The following CLNK variants were observed in gnomAD, a reference collection of about 807,000 sequenced individuals.
CLNK encodes the protein cytokine-dependent hematopoietic cell linker.
Under a neutral mutation model 68.6 loss-of-function variants are expected in CLNK, and 74 were observed. The ratio of observed to expected loss-of-function variants is 1.08; its 90% CI spans 0.89 to 1.31. The LOEUF (loss-of-function observed/expected upper bound fraction) is 1.31, where lower values mean the gene tolerates loss of function less well. CLNK is among the 50% of genes most tolerant of loss of function. The pLI is 0.00. For missense variants in CLNK, 553 were observed against 515.3 expected, an observed-to-expected ratio of 1.07 and a Z score of -0.71; for synonymous variants, 198 against 172.2, an observed-to-expected ratio of 1.15 and a Z score of -1.17.
intron 2 of CLNK, among the ~76,000 whole-genome samples, chr4:10,613,794 C>T (rs1722125857): frequency 6.6e-6 from 1 of 152,288 alleles, no homozygotes; most frequent in South Asian, 2.1e-4. Flanking sequence ...TGAATGTCTG[C>T]TCTTTTGGAA....
Position 10,566,225 on chromosome 4 carries a change from GAGAAATGGGGT to G in CLNK, c.151-86_151-76del, listed in dbSNP as rs1454982819. On this transcript the variant is annotated intron_variant, in intron 5 of 18. Coordinates refer to ENST00000226951, the MANE Select transcript of CLNK (RefSeq NM_052964.4). ...CAAAGACAGGCTACAGTGCTGGCTA[GAGAAATGGGGT>G]AGACCTTCTTAGCTGCAAGTTAAAT... 7.0e-6 allele frequency: 10 copies of G among 1,433,972 alleles called. No individual in the cohort carries two copies. The African/African-American group carries it at 1.4e-4, about 20-fold the overall frequency. 88.8% of individuals were successfully genotyped at this position (1,433,972 alleles called of 1,614,324 possible).
At chr4:10,734,410 C>G in the CLNK span, among the ~76,000 whole-genome samples, 1,546 of 152,316 alleles carry the variant, frequency 0.01, 32 homozygotes, top group African/African-American at 0.035. Context: ...CCAGCCGAAT[C>G]TTTCCCTCTT....
At chr4:10,676,900 GA>G (rs1482450284) in intron 1 of CLNK, among the ~76,000 whole-genome samples, 11 of 151,260 alleles carry the variant, frequency 7.3e-5, no homozygotes, top group African/African-American at 2.7e-4. Flanking sequence ...TGAGATTGTA[GA>G]AAAATAGTCT....
intron 2 of CLNK, among the ~76,000 whole-genome samples, chr4:10,628,570 G>T (rs1033231856): frequency 6.6e-6 from 1 of 152,160 alleles, no homozygotes; most frequent in Non-Finnish European, 1.5e-5. Context: ...AAGCTGGAGG[G>T]GCTGAGGGGC....
intron 1 of CLNK, among the ~76,000 whole-genome samples, chr4:10,668,704 A>G (rs577223876): frequency 1.3e-5 from 2 of 152,296 alleles, no homozygotes; most frequent in Non-Finnish European, 2.9e-5. Context: ...CCAGGTAGGC[A>G]CTGGGACACA....
chr4:10,584,017 A>G (rs1720882225), intron 4 of CLNK, among the ~76,000 whole-genome samples: 1 of 152,192 alleles, frequency 6.6e-6, no homozygotes, highest in South Asian at 2.1e-4. Flanking sequence ...TGCATTTGAT[A>G]CTAAAGACCC....
chr4:10,574,112 T>G (rs1720458840), intron 4 of CLNK, among the ~76,000 whole-genome samples: 1 of 152,220 alleles, frequency 6.6e-6, no homozygotes, highest in African/African-American at 2.4e-5. Flanking sequence ...GTGTCATCAG[T>G]GCAGAGTTTT....
At chr4:10,674,672 G>A (rs1244480742) in intron 1 of CLNK, among the ~76,000 whole-genome samples, 1 of 152,180 alleles carries the variant, frequency 6.6e-6, no homozygotes, top group African/African-American at 2.4e-5. Context: ...TTCACATCCT[G>A]AGTGGAGAGA....
At chr4:10,660,403 T>C (rs189879424) in intron 2 of CLNK, among the ~76,000 whole-genome samples, 1 of 152,348 alleles carries the variant, frequency 6.6e-6, no homozygotes, top group African/African-American at 2.4e-5. Flanking sequence ...ATAGTTTTAT[T>C]GGAAAGCCTA....
At chr4:10,727,724 C>T in the CLNK span, among the ~76,000 whole-genome samples, 1 of 152,190 alleles carries the variant, frequency 6.6e-6, no homozygotes, top group Non-Finnish European at 1.5e-5. Context: ...CCAAGCTGTC[C>T]AACACTAGAG....
intron 1 of CLNK, among the ~76,000 whole-genome samples, chr4:10,672,334 G>T (rs1336365932): frequency 6.6e-6 from 1 of 152,106 alleles, no homozygotes; most frequent in African/African-American, 2.4e-5. Context: ...AGGTGAGTTT[G>T]TTTCTCACAG....
At chr4:10,507,132 G>T (rs1277636872) in intron 17 of CLNK, among the ~76,000 whole-genome samples, 1 of 150,650 alleles carries the variant, frequency 6.6e-6, no homozygotes. Context: ...TTGTTTTTGA[G>T]ACGAAGTCTT....
chr4:10,646,823 C>T (rs1022706899), intron 2 of CLNK, among the ~76,000 whole-genome samples: 3 of 152,162 alleles, frequency 2.0e-5, no homozygotes, highest in Non-Finnish European at 4.4e-5. Flanking sequence ...CAACTTTATG[C>T]ACATGTTCCT....
At chr4:10,598,513 A>T (rs768173071) in intron 2 of CLNK, among the ~76,000 whole-genome samples, 1 of 152,242 alleles carries the variant, frequency 6.6e-6, no homozygotes, top group Non-Finnish European at 1.5e-5. Context: ...GTTGAATTTC[A>T]TAAAAATCTA....
intron 8 of CLNK, among the ~76,000 whole-genome samples, chr4:10,552,403 A>G (rs6814528): frequency 0.97 from 147,356 of 152,256 alleles, 71,490 homozygotes; most frequent in East Asian, 1. Context: ...CACTATTGCC[A>G]AGGTTATAAG....
the CLNK span, among the ~76,000 whole-genome samples, chr4:10,719,904 C>A: frequency 6.6e-6 from 1 of 151,904 alleles, no homozygotes; most frequent in East Asian, 1.9e-4. Context: ...AACAAAGATA[C>A]CAGAAAAATC....
chr4:10,654,227 CA>C (rs1193112781), intron 2 of CLNK, among the ~76,000 whole-genome samples: 2 of 151,420 alleles, frequency 1.3e-5, no homozygotes, highest in African/African-American at 2.4e-5. Flanking sequence ...ATGTCATGAC[CA>C]AGTTGAATTT....
At chr4:10,696,748 C>T in the CLNK span, among the ~76,000 whole-genome samples, 4 of 152,036 alleles carry the variant, frequency 2.6e-5, no homozygotes, top group African/African-American at 9.7e-5. Context: ...TCCAGCCTCC[C>T]TAGGATTGCC....
At chr4:10,556,825 C>G (rs1231919522) in intron 8 of CLNK, among the ~76,000 whole-genome samples, 1 of 152,126 alleles carries the variant, frequency 6.6e-6, no homozygotes, top group African/African-American at 2.4e-5. Context: ...AGCTGTTAAT[C>G]TCAGCACTTT....
Sources: allele counts gnomAD v4.1 joint callset (sites outside exome capture counted in the v4.1 genomes callset), GRCh38; gene constraint gnomAD v4.1.1; transcripts MANE v1.5; gene names NCBI Gene and HGNC (gene_info 2026-07-23, HGNC 2026-07-21).